Variants in ARHGAP8 observed in about 807,000 individuals in gnomAD.
ARHGAP8 encodes Rho GTPase activating protein 8.
In ARHGAP8, 62 loss-of-function variants were observed where a neutral mutation model predicts 46.1. That is an observed-to-expected ratio of 1.34 (90% confidence interval 1.10 to 1.66). The LOEUF (loss-of-function observed/expected upper bound fraction) is 1.66, where lower values mean the gene tolerates loss of function less well. Ranked by LOEUF, ARHGAP8 falls within the 40% of genes most tolerant of loss-of-function variation. The probability of loss-of-function intolerance (pLI) is 0.00; values close to 1 mark genes in which losing one functional copy is unlikely to be tolerated. For missense variants in ARHGAP8, 923 were observed against 568.4 expected, an observed-to-expected ratio of 1.62 and a Z score of -6.34; for synonymous variants, 375 against 243.1, an observed-to-expected ratio of 1.54 and a Z score of -5.05.
At chr22:44,859,970 C>G in intron 11 of ARHGAP8, 136 bp downstream of exon 11, 2 of 1,042,446 alleles carry the variant, frequency 1.9e-6, no homozygotes, top group Admixed American at 2.7e-5. Flanking sequence ...CACTCCCTGC[C>G]CCCCAAGGAC....
chr22:44,761,498 G>T (rs1351448416), intron 1 of ARHGAP8, among the ~76,000 whole-genome samples: 1 of 152,196 alleles, frequency 6.6e-6, no homozygotes, highest in Non-Finnish European at 1.5e-5. Context: ...GCATACAGAA[G>T]GATATGCATA....
intron 5 of ARHGAP8, among the ~76,000 whole-genome samples, chr22:44,816,884 C>CTTTTTTTTTTTTTTTTTTTT (rs981732386): frequency 8.7e-6 from 1 of 115,106 alleles, no homozygotes; most frequent in Admixed American, 8.9e-5. Flanking sequence ...TTCTTTCTTT[C>CTTTTTTTTTTTTTTTTTTTT]TTTTTTTTTT....
intron 7 of ARHGAP8, among the ~76,000 whole-genome samples, chr22:44,832,057 A>G (rs182171793): frequency 1.8e-4 from 27 of 152,226 alleles, no homozygotes; most frequent in African/African-American, 6.5e-4. Flanking sequence ...GGGTATTGCC[A>G]TCTTGAAAAT....
At chr22:44,764,929 A>G (rs12159451) in intron 1 of ARHGAP8, among the ~76,000 whole-genome samples, 8,627 of 152,302 alleles carry the variant, frequency 0.057, 839 homozygotes, top group African/African-American at 0.2. Context: ...TTGCTACACA[A>G]GGCCCGGATT....
intron 2 of ARHGAP8, among the ~76,000 whole-genome samples, chr22:44,793,374 C>G (rs1020548955): frequency 6.6e-6 from 1 of 152,102 alleles, no homozygotes; most frequent in Non-Finnish European, 1.5e-5. Flanking sequence ...AAGTCCACGC[C>G]GGACCTGGCC....
intron 1 of ARHGAP8, among the ~76,000 whole-genome samples, chr22:44,775,497 G>C (rs1316152966): frequency 6.6e-6 from 1 of 151,900 alleles, no homozygotes; most frequent in African/African-American, 2.4e-5. Flanking sequence ...GCCCAGGCTG[G>C]AGTGCAATGG....
rs555120323 is a variant in ARHGAP8 at position 44,862,177 on chromosome 22, T to C, written c.982-98T>C. The C allele has an allele frequency of 7.0e-6, 10 of 1,431,244 alleles. No homozygotes were observed. The African/African-American group carries it at 7.1e-5, about 10-fold the overall frequency. 88.7% of individuals were successfully genotyped at this position (1,431,244 alleles called of 1,614,324 possible). On this transcript the variant is annotated intron_variant, in intron 11 of 11. Coordinates refer to ENST00000356099, the MANE Select transcript of ARHGAP8 (RefSeq NM_181335.3). ...GCCGGCTCCCAGTCCAGTGCTCCTC[T>C]CACTACACCTACGCCTCTCCCTAAG...
intron 2 of ARHGAP8, among the ~76,000 whole-genome samples, chr22:44,794,376 G>C (rs1189091075): frequency 6.6e-6 from 1 of 152,190 alleles, no homozygotes; most frequent in African/African-American, 2.4e-5. Context: ...ACCCTGGCAG[G>C]CTGGGTACAG....
intron 5 of ARHGAP8, among the ~76,000 whole-genome samples, chr22:44,819,565 CAGG>C (rs1929981915): frequency 6.6e-6 from 1 of 152,082 alleles, no homozygotes; most frequent in Non-Finnish European, 1.5e-5. Context: ...CCCAGCTACT[CAGG>C]AGGGTGAGCT....
In ARHGAP8 at chr22:44,818,323, A is replaced by C. The variant is rs1181633387; in HGVS notation, c.386+3565A>C. Among the ~76,000 whole-genome samples, 4 of 151,764 alleles carry C rather than the reference A, an allele frequency of 2.6e-5. No homozygotes were observed. In the East Asian group the frequency reaches 7.8e-4, roughly 29 times the overall value. On this transcript the variant is annotated intron_variant, in intron 5 of 11. Coordinates refer to ENST00000356099, the MANE Select transcript of ARHGAP8 (RefSeq NM_181335.3). ...AATCAGCTGGGCGTGGTGGCGCATG[A>C]CTGTAATCTCAGCTACTTGGGAGGC...
At chr22:44,785,036 G>A (rs898269574) in intron 1 of ARHGAP8, among the ~76,000 whole-genome samples, 4 of 152,302 alleles carry the variant, frequency 2.6e-5, no homozygotes, top group Non-Finnish European at 4.4e-5. Context: ...GGGGTAGACC[G>A]GGACTGAGTG....
At chr22:44,756,464 GTTC>G (rs1387883606) in intron 1 of ARHGAP8, among the ~76,000 whole-genome samples, 2 of 152,012 alleles carry the variant, frequency 1.3e-5, no homozygotes, top group African/African-American at 4.8e-5. Context: ...TTTCATTTCA[GTTC>G]TTTTTATTTG....
In ARHGAP8 at chr22:44,859,714, G is replaced by A. The variant is rs199576575; in HGVS notation, c.878-17G>A. The A allele has an allele frequency of 1.4e-4, 223 of 1,612,240 alleles. No individual in the cohort carries two copies. The East Asian group carries it at 4.4e-3, about 32-fold the overall frequency. On this transcript the variant is annotated splice_polypyrimidine_tract_variant and intron_variant, in intron 10 of 11. Coordinates refer to ENST00000356099, the MANE Select transcript of ARHGAP8 (RefSeq NM_181335.3). ...TGGCCCCTCTGGAGCTCAGCAGGGAGCCCCATGCCCTTCCAGGTGTGGAGA... is the reference window on the plus strand; with the variant it reads ...TGGCCCCTCTGGAGCTCAGCAGGGAACCCCATGCCCTTCCAGGTGTGGAGA...
chr22:44,770,710 C>G (rs569633606), intron 1 of ARHGAP8, among the ~76,000 whole-genome samples: 2 of 152,258 alleles, frequency 1.3e-5, no homozygotes, highest in Admixed American at 6.5e-5. Flanking sequence ...CCAGCCTAAT[C>G]TTGGGTTCTA....
intron 2 of ARHGAP8, among the ~76,000 whole-genome samples, chr22:44,790,785 T>A (rs1255627588): frequency 7.0e-6 from 1 of 142,338 alleles, no homozygotes; most frequent in African/African-American, 2.6e-5. Context: ...CAGGCTGGAG[T>A]GCAGTGGCAT....
chr22:44,779,530 G>C (rs982382818), intron 1 of ARHGAP8, among the ~76,000 whole-genome samples: 2 of 150,722 alleles, frequency 1.3e-5, no homozygotes, highest in Admixed American at 6.6e-5. Flanking sequence ...TTTGCCTGCT[G>C]TGGAGATTTA....
chr22:44,755,614 C>T lies in ARHGAP8; in HGVS notation c.-72+2987C>T, dbSNP rs572988553. ...TCCTGCCCCAGCTGCCTTCACAGGG[C>T]GTCTCCCTGGAGCTTCTGGCAGCCT... On this transcript the variant is annotated intron_variant, in intron 1 of 11. Coordinates refer to ENST00000356099, the MANE Select transcript of ARHGAP8 (RefSeq NM_181335.3). Among the ~76,000 whole-genome samples, 10 of 152,282 alleles carry T rather than the reference C, an allele frequency of 6.6e-5. No individual in the cohort carries two copies. The East Asian group carries it at 1.9e-3, about 30-fold the overall frequency.
intron 8 of ARHGAP8, among the ~76,000 whole-genome samples, 181 bp downstream of exon 8, chr22:44,845,523 T>A (rs1947603329): frequency 6.8e-6 from 1 of 148,080 alleles, no homozygotes; most frequent in South Asian, 2.1e-4. Flanking sequence ...GAATCCTGTC[T>A]CCCCTGTGTA....
Position 44,808,384 on chromosome 22 carries a change from G to T in ARHGAP8, c.245G>T (p.Arg82Leu), listed in dbSNP as rs116110380. 3.7e-6 allele frequency: 6 copies of T among 1,614,100 alleles called. No homozygotes were observed. Among genetic ancestry groups the T allele is most frequent in the Non-Finnish European group, 5.1e-6 (6 of 1,180,052 alleles). Residue 82 changes from arginine (R) to leucine (L), a missense_variant, in exon 4 of 12, where the codon CGG (arginine) becomes CTG (leucine). Arg to Leu is a moderately radical substitution (Grantham distance 102). Coordinates refer to ENST00000356099, the MANE Select transcript of ARHGAP8 (RefSeq NM_181335.3). ...TATTTCCACTACGGGCTGAACAGCC[G>T]GAACAAGCCTTCCCTGGGCTGGCTC... ...IVYFHYGLNSRNKPSLGWLQS... is the reference protein window; with the variant it reads ...IVYFHYGLNSLNKPSLGWLQS...
Sources: allele counts gnomAD v4.1 joint callset (sites outside exome capture counted in the v4.1 genomes callset), GRCh38; gene constraint gnomAD v4.1.1; transcripts MANE v1.5; gene names NCBI Gene and HGNC (gene_info 2026-07-23, HGNC 2026-07-21).